ZNF384: variants seen among roughly 807,000 people sequenced by gnomAD.
ZNF384 encodes the protein zinc finger protein 384, also known as CAG repeat protein 1.
In ZNF384, 20 loss-of-function variants were observed where a neutral mutation model predicts 65.0. That is an observed-to-expected ratio of 0.31 (90% CI 0.22 to 0.45). ZNF384 has a LOEUF of 0.45. Ranked by LOEUF, ZNF384 falls within the 20% of genes least tolerant of loss-of-function variation. The pLI is 1.00. For synonymous variants in ZNF384, 310 were observed against 303.9 expected, an observed-to-expected ratio of 1.02 and a Z score of -0.21; for missense variants, 549 against 769.4, an observed-to-expected ratio of 0.71 and a Z score of 3.39.
Position 6,673,038 on chromosome 12 carries a change from T to C in ZNF384, c.1004+178A>G. The C allele has an allele frequency of 1.5e-6, 1 of 646,890 alleles. No homozygotes were observed. Among genetic ancestry groups the C allele is most frequent in the Non-Finnish European group, 2.6e-6 (1 of 378,172 alleles). 40.1% of individuals were successfully genotyped at this position (646,890 alleles called of 1,614,324 possible). On this transcript the variant is annotated intron_variant, in intron 8 of 11. Transcript: ENST00000683879. This position sits in a 1 kb window ranked among gnomAD's most constrained non-coding sequence, Gnocchi z 4.7. ...ACTTTGGAATTGGAGACCACAATTT[T>C]CAAGGCCCCCCAAATAGCTAGGATA...
chr12:6,678,689 C>T lies in ZNF384; in HGVS notation c.326G>A (p.Trp109Ter), dbSNP rs948318471. 6.2e-7 allele frequency: 1 copy of T among 1,614,004 alleles called. No individual in the cohort carries two copies. Among genetic ancestry groups the T allele is most frequent in the Non-Finnish European group, 8.5e-7 (1 of 1,179,980 alleles). Residue 109 changes from tryptophan to a stop codon, truncating the protein, a stop_gained, in exon 5 of 12, where the codon TGG becomes TAG. Coordinates refer to ENST00000683879, the MANE Select transcript of ZNF384 (RefSeq NM_001385745.1). LOFTEE classifies it high-confidence loss of function. This position sits in a 1 kb window ranked among gnomAD's most constrained non-coding sequence, Gnocchi z 4.9. Reference protein sequence around the residue: ...MTAGVSCSQRWRREGSQSRGP... With the variant: ...MTAGVSCSQR ...CCTTGATTGACTCCCTTCTCTTCTCCACCTCTGAGAACAGGAGACTCCTTG... is the reference window on the plus strand; with the variant it reads ...CCTTGATTGACTCCCTTCTCTTCTCTACCTCTGAGAACAGGAGACTCCTTG...
At chr12:6,685,330 AAAAAAG>A (rs892914032) in intron 2 of ZNF384, among the ~76,000 whole-genome samples, 2 of 151,972 alleles carry the variant, frequency 1.3e-5, no homozygotes. Flanking sequence ...CTCAAAAAGA[AAAAAAG>A]AAAAAGAAAT....
intron 10 of ZNF384, among the ~76,000 whole-genome samples, chr12:6,670,198 G>A (rs1436985283): frequency 6.6e-6 from 1 of 152,198 alleles, no homozygotes; most frequent in Non-Finnish European, 1.5e-5. Flanking sequence ...GGAGGCTGAG[G>A]CGGGAGGATG....
intron 2 of ZNF384, among the ~76,000 whole-genome samples, chr12:6,680,754 C>A (rs1376727746): frequency 6.6e-6 from 1 of 152,146 alleles, no homozygotes; most frequent in Non-Finnish European, 1.5e-5. Flanking sequence ...CACGGTGCTA[C>A]ACTGGGCACC....
chr12:6,673,404 C>T lies in ZNF384; in HGVS notation c.816G>A (p.Ser272=), dbSNP rs148181538. 6.8e-6 allele frequency: 11 copies of T among 1,613,782 alleles called. No homozygotes were observed. The highest frequency in any genetic ancestry group is 3.3e-5 in the Admixed American group (2 of 59,960). The change falls in exon 8 of 12, where the codon TCG becomes TCA. Residue 272 remains serine, a synonymous_variant. Coordinates refer to ENST00000683879, the MANE Select transcript of ZNF384 (RefSeq NM_001385745.1). The surrounding 1 kb of genome is among the most constrained non-coding windows in gnomAD (Gnocchi z 4.7). ...GTGACTTGGAGTGGATCTGCATCTC[C>T]GACTTGGAGTAGAATGTCAGTGAGC... is the stretch of plus-strand genomic sequence containing the variant. ...RMCSLTFYSK[S]EMQIHSKSHT... is the part of the protein sequence containing the mutation.
chr12:6,667,442 C>G lies in ZNF384; in HGVS notation c.*272G>C, dbSNP rs1296572036. ...TCATAGCAAATCCTTCCCTTGAGCA[C>G]CGACCCCCAGTTTTAGAAGCTTTGC... On this transcript the variant is annotated 3_prime_UTR_variant, in exon 12 of 12. Coordinates refer to ENST00000683879, the MANE Select transcript of ZNF384 (RefSeq NM_001385745.1). 4 of 567,248 alleles carry G rather than the reference C, an allele frequency of 7.1e-6. No individual in the cohort carries two copies. In the East Asian group the frequency reaches 9.3e-5, roughly 13 times the overall value. The allele number at this position is 567,248 out of a possible 1,614,324, so 35.1% of individuals were successfully genotyped here.
intron 2 of ZNF384, among the ~76,000 whole-genome samples, chr12:6,683,742 A>C (rs1383836992): frequency 6.6e-6 from 1 of 150,804 alleles, no homozygotes; most frequent in Non-Finnish European, 1.5e-5. Flanking sequence ...GAGGAGGCTG[A>C]GCACGGTGGC....
In ZNF384 at chr12:6,667,949, G is replaced by C. The variant is rs1950169162; in HGVS notation, c.1592C>G (p.Ser531Ter). The C allele has an allele frequency of 6.2e-7, 1 of 1,608,300 alleles. No individual in the cohort carries two copies. Among genetic ancestry groups the C allele is most frequent in the Non-Finnish European group, 8.5e-7 (1 of 1,176,824 alleles). The stretch of plus-strand genomic sequence containing the variant: ...CTGCTGCTGCTGCTGCTGCTGCTGT[G>C]ATGCCTGGGAGGCCTGGGCCTGGGC... ...AQAQAQASQASQQQQQQQQQQ... is the reference protein window; with the variant it reads ...AQAQAQASQA Residue 531 changes from serine to a stop codon, truncating the protein, a stop_gained, in exon 12 of 12, where the codon TCA (serine) becomes TGA (stop). Coordinates refer to ENST00000683879, the MANE Select transcript of ZNF384 (RefSeq NM_001385745.1). LOFTEE classifies it high-confidence loss of function.
At chr12:6,675,841 T>A (rs1318800577) in intron 7 of ZNF384, among the ~76,000 whole-genome samples, 2 of 152,184 alleles carry the variant, frequency 1.3e-5, no homozygotes, top group Non-Finnish European at 2.9e-5. Context: ...GATGAAGGCA[T>A]GGCTGATCTT....
At chr12:6,668,933 G>A in intron 11 of ZNF384, 98 bp downstream of exon 11, 1 of 1,321,436 alleles carries the variant, frequency 7.6e-7, no homozygotes, top group Non-Finnish European at 1.0e-6. Flanking sequence ...TAGGGAGGCA[G>A]GGTATTCACT....
At chr12:6,682,429 T>C (rs1203731801) in intron 2 of ZNF384, among the ~76,000 whole-genome samples, 2 of 151,904 alleles carry the variant, frequency 1.3e-5, no homozygotes, top group African/African-American at 4.8e-5. Context: ...GAGGCTGAGG[T>C]GGACAGATTG....
At position 6,669,646 on chromosome 12, in the gene ZNF384, A is replaced by C. The variant is rs568856522; in HGVS notation, c.1267-457T>G. ...TGCAAGTAGCTGGGACTACAGGCAC[A>C]TGCCACCAGGCCTGGCTAATTTTTT... On this transcript the variant is annotated intron_variant, in intron 10 of 11. Coordinates refer to ENST00000683879, the MANE Select transcript of ZNF384 (RefSeq NM_001385745.1). Among the ~76,000 whole-genome samples, 5 of 152,082 alleles carry C rather than the reference A, an allele frequency of 3.3e-5. No homozygotes were observed. In the South Asian group the frequency reaches 1.0e-3, roughly 32 times the overall value.
chr12:6,680,633 G>A (rs1955565985), intron 2 of ZNF384, among the ~76,000 whole-genome samples: 1 of 148,350 alleles, frequency 6.7e-6, no homozygotes, highest in Non-Finnish European at 1.5e-5. Context: ...CGGAACAAGA[G>A]CAAAATTCCG....
chr12:6,689,029 C>G (rs1472979472), intron 1 of ZNF384, 69 bp downstream of exon 1: 1 of 152,264 alleles, frequency 6.6e-6, no homozygotes, highest in Non-Finnish European at 1.5e-5. Flanking sequence ...CCCCGCCTGC[C>G]CAAGGAAAAG....
intron 2 of ZNF384, among the ~76,000 whole-genome samples, chr12:6,681,944 C>T (rs1452978121): frequency 6.6e-6 from 1 of 151,972 alleles, no homozygotes; most frequent in Admixed American, 6.6e-5. Flanking sequence ...CACAATAAAA[C>T]TAATCAGTAT....
intron 11 of ZNF384, 45 bp downstream of exon 11, chr12:6,668,986 C>G: frequency 6.4e-7 from 1 of 1,559,522 alleles, no homozygotes; most frequent in Non-Finnish European, 8.7e-7. Flanking sequence ...GTGGACTGTA[C>G]TCTTAGAGGA....
At position 6,678,633 on chromosome 12, in the gene ZNF384, C is replaced by G. The variant is rs879087676; in HGVS notation, c.352+30G>C. 1.2e-6 allele frequency: 2 copies of G among 1,611,602 alleles called. No homozygotes were observed. Among genetic ancestry groups the G allele is most frequent in the Non-Finnish European group, 1.7e-6 (2 of 1,178,802 alleles). On this transcript the variant is annotated intron_variant, in intron 5 of 11. Transcript: ENST00000683879. This position sits in a 1 kb window ranked among gnomAD's most constrained non-coding sequence, Gnocchi z 4.9. ...AAAATAATGGTCTCCTAACCCTTGT[C>G]CCCACCCCCCTGGTAACAGTGAGAT...
chr12:6,671,329 A>AAACTCAT (rs1951419779), intron 9 of ZNF384: 1 of 154,636 alleles, frequency 6.5e-6, no homozygotes. Context: ...ATATTAATGG[A>AAACTCAT]AACTCATGAA....
rs1954768841 is a variant in ZNF384, at chr12:6,678,867, T to C, written c.304+79A>G. 8 of 1,501,266 alleles carry C rather than the reference T, an allele frequency of 5.3e-6. No homozygotes were observed. Among genetic ancestry groups the C allele is most frequent in the Non-Finnish European group, 7.4e-6 (8 of 1,084,104 alleles). The allele number at this position is 1,501,266 out of a possible 1,614,324, so 93.0% of individuals were successfully genotyped here. A position where few individuals can be genotyped will look rare whatever the true frequency, so the allele number is the denominator to read the frequency against. On this transcript the variant is annotated intron_variant, in intron 4 of 11. Transcript: ENST00000683879. The surrounding 1 kb of genome is among the most constrained non-coding windows in gnomAD (Gnocchi z 4.9). Reference sequence around the variant, plus strand: ...AATCAAACACATATCCCACTCCCCATGTCCTTGGAGCCCTCCAGCCTGGGG... The same window carrying C: ...AATCAAACACATATCCCACTCCCCACGTCCTTGGAGCCCTCCAGCCTGGGG...
Sources: gnomAD v4.1 joint callset for allele counts (sites outside exome capture counted in the v4.1 genomes callset) on GRCh38, gnomAD v4.1.1 for gene constraint, Gnocchi (gnomAD v3.1) non-coding constraint, MANE v1.5 for transcripts, NCBI Gene and HGNC (gene_info 2026-07-23, HGNC 2026-07-21) for gene names.